ZNF331: variants seen among roughly 807,000 people sequenced by gnomAD.
ZNF331 encodes C2H2-like zinc finger protein rearranged in thyroid adenomas.
Under a neutral mutation model 7.0 loss-of-function variants are expected in ZNF331, and 2 were observed. That is an observed-to-expected ratio of 0.29 (90% CI 0.12 to 0.90). The LOEUF is 0.90. Among genes scored for constraint, ZNF331 ranks in the 40% least tolerant of loss-of-function variants. The pLI, the probability that ZNF331 is intolerant of heterozygous loss-of-function variation, is 0.58. For synonymous variants in ZNF331, 196 were observed against 205.4 expected (o/e 0.95, Z 0.39); for missense variants, 432 against 587.7 (o/e 0.74, Z 2.74).
At chr19:53,566,385 T>C (rs1407418707) in intron 3 of ZNF331, among the ~76,000 whole-genome samples, 2 of 151,970 alleles carry the variant, frequency 1.3e-5, no homozygotes, top group East Asian at 3.9e-4. Context: ...CTCTGCCCCC[T>C]GGGTGCAAGT....
At chr19:53,556,035 G>A (rs1001722360) in intron 3 of ZNF331, 127 bp downstream of exon 3, 2 of 151,808 alleles carry the variant, frequency 1.3e-5, no homozygotes, top group East Asian at 1.9e-4. Context: ...ACAAGGTCTG[G>A]AGATCGAGAC....
At chr19:53,542,839 C>T (rs148270012) in intron 2 of ZNF331, among the ~76,000 whole-genome samples, 227 of 152,298 alleles carry the variant, frequency 1.5e-3, no homozygotes, top group Non-Finnish European at 2.6e-3. Flanking sequence ...GACAGAGTTT[C>T]GCTCTGGTTG....
At chr19:53,516,277 G>A (rs942053124), upstream of ZNF331, among the ~76,000 whole-genome samples, 21 of 151,868 alleles carry the variant, frequency 1.4e-4, 1 homozygote, top group East Asian at 1.6e-3. Flanking sequence ...ATGGTGAAAC[G>A]CTGTCTCTAC....
At chr19:53,547,928 G>GTT (rs199698122) in intron 2 of ZNF331, among the ~76,000 whole-genome samples, 3 of 150,000 alleles carry the variant, frequency 2.0e-5, no homozygotes, top group African/African-American at 7.3e-5. Flanking sequence ...ATTTTTGTTT[G>GTT]TTTTTTTTTG....
chr19:53,507,003 G>T, the ZNF331 span, among the ~76,000 whole-genome samples: 2 of 152,166 alleles, frequency 1.3e-5, no homozygotes, highest in African/African-American at 4.8e-5. Context: ...CAATCTTCCT[G>T]TGTGGGGTGT....
At chr19:53,521,988 A>C (rs1484192366) in exon 1 of ZNF331, 1 of 152,170 alleles carries the variant, frequency 6.6e-6, no homozygotes, top group African/African-American at 2.4e-5. Flanking sequence ...AAGTCACGAG[A>C]TGGCAGTTTT....
rs1362237864 is a variant in ZNF331 at position 53,571,342 on chromosome 19, T to C, written c.10-262T>C. ...TAAGCAAGAAGAAAACTTGGATTGTTTTATCCACTTCCTGGCAGGTTTGAC... is the reference window on the plus strand; with the variant it reads ...TAAGCAAGAAGAAAACTTGGATTGTCTTATCCACTTCCTGGCAGGTTTGAC... On this transcript the variant is annotated intron_variant, in intron 4 of 5. Coordinates refer to ENST00000449416, the MANE Select transcript of ZNF331 (RefSeq NM_001079906.2). This position sits in a 1 kb window ranked among gnomAD's most constrained non-coding sequence, Gnocchi z 4.7. Among the ~76,000 whole-genome samples, 1 of 152,148 alleles carries C rather than the reference T, an allele frequency of 6.6e-6. No individual in the cohort carries two copies. Among genetic ancestry groups the C allele is most frequent in the African/African-American group, 2.4e-5 (1 of 41,436 alleles).
At chr19:53,536,617 C>T (rs1362205249), upstream of ZNF331, among the ~76,000 whole-genome samples, 1 of 152,112 alleles carries the variant, frequency 6.6e-6, no homozygotes, top group Non-Finnish European at 1.5e-5. Flanking sequence ...AAATTATTCT[C>T]GACTGGGTGT....
intron 2 of ZNF331, among the ~76,000 whole-genome samples, chr19:53,545,453 C>T (rs531869837): frequency 9.2e-5 from 14 of 152,318 alleles, no homozygotes; most frequent in South Asian, 4.1e-4. Flanking sequence ...TTCCAGGTGA[C>T]GCCCCAGAGG....
At chr19:53,528,936 C>A (rs1363996873) in intron 2 of ZNF331, among the ~76,000 whole-genome samples, 1 of 147,094 alleles carries the variant, frequency 6.8e-6, no homozygotes, top group Non-Finnish European at 1.5e-5. Flanking sequence ...AGCTGCCTGT[C>A]CCCACGCCTG....
upstream of ZNF331, among the ~76,000 whole-genome samples, chr19:53,534,936 T>A (rs1473667761): frequency 1.3e-5 from 2 of 151,690 alleles, no homozygotes; most frequent in Admixed American, 6.6e-5. Context: ...AACAATGGTC[T>A]GTTTTCCTTA....
At chr19:53,561,660 C>G (rs1474858274) in intron 3 of ZNF331, among the ~76,000 whole-genome samples, 1 of 152,048 alleles carries the variant, frequency 6.6e-6, no homozygotes, top group Non-Finnish European at 1.5e-5. Context: ...TGAGACCAAC[C>G]TGAGCAACAT....
chr19:53,529,790 T>G (rs4994351), intron 2 of ZNF331, among the ~76,000 whole-genome samples: 12,527 of 152,224 alleles, frequency 0.082, 589 homozygotes, highest in Non-Finnish European at 0.11. Flanking sequence ...AGCTGCTACC[T>G]GTATGTTGTC....
upstream of ZNF331, chr19:53,520,979 C>T (rs11084260): frequency 0.066 from 10,073 of 152,374 alleles, 368 homozygotes; most frequent in East Asian, 0.15. Context: ...CTTCCAGCTG[C>T]GTCGAAGCTT....
chr19:53,511,918 T>C, the ZNF331 span: 1 of 152,200 alleles, frequency 6.6e-6, no homozygotes, highest in South Asian at 2.1e-4. Flanking sequence ...GAGTTCACCA[T>C]TCTGAGTATA....
the ZNF331 span, among the ~76,000 whole-genome samples, chr19:53,511,459 G>A: frequency 6.6e-6 from 1 of 151,838 alleles, no homozygotes; most frequent in Non-Finnish European, 1.5e-5. Context: ...CTATAAAATA[G>A]AAGAAAATTT....
rs2089781317 is a variant in ZNF331, at chr19:53,560,137, A to G, written c.-74+4229A>G. Among the ~76,000 whole-genome samples the G allele has an allele frequency of 8.2e-6, 1 of 121,470 alleles. No individual in the cohort carries two copies. Among genetic ancestry groups the G allele is most frequent in the Non-Finnish European group, 1.7e-5 (1 of 59,066 alleles). The allele number at this position is 121,470 out of a possible 152,430, so 79.7% of individuals were successfully genotyped here. On this transcript the variant is annotated intron_variant, in intron 3 of 5. Coordinates refer to ENST00000449416, the MANE Select transcript of ZNF331 (RefSeq NM_001079906.2). The surrounding 1 kb of genome is among the most constrained non-coding windows in gnomAD (Gnocchi z 4.3). ...ACACACATATATACACACACCATAT[A>G]TATACACACATATATACACATCCAC...
chr19:53,578,050 A>C lies in ZNF331; in HGVS notation c.*98A>C. The C allele has an allele frequency of 7.3e-7, 1 of 1,364,936 alleles. No homozygotes were observed. Among genetic ancestry groups the C allele is most frequent in the East Asian group, 2.5e-5 (1 of 40,498 alleles). 84.6% of individuals were successfully genotyped at this position (1,364,936 alleles called of 1,614,324 possible). On this transcript the variant is annotated 3_prime_UTR_variant, in exon 6 of 6. Coordinates refer to ENST00000449416, the MANE Select transcript of ZNF331 (RefSeq NM_001079906.2). ...TGCAGTTCAAAAATATTAAATGGAA[A>C]ATTCCAGAAATAAAGAATTTTAAGT...
intron 2 of ZNF331, among the ~76,000 whole-genome samples, chr19:53,531,333 G>A (rs1463312114): frequency 6.6e-6 from 1 of 152,110 alleles, no homozygotes; most frequent in African/African-American, 2.4e-5. Flanking sequence ...TTCATACAGG[G>A]ATATCCCTCA....
Sources: gnomAD v4.1 joint callset for allele counts (sites outside exome capture counted in the v4.1 genomes callset) on GRCh38, gnomAD v4.1.1 for gene constraint, Gnocchi (gnomAD v3.1) non-coding constraint, MANE v1.5 for transcripts, NCBI Gene and HGNC (gene_info 2026-07-23, HGNC 2026-07-21) for gene names.